ACOXL: variants seen among roughly 807,000 people sequenced by gnomAD.
ACOXL encodes acyl-CoA oxidase like, also known as acyl-coenzyme A oxidase-like protein.
ACOXL carries 70 observed loss-of-function variants against 71.9 expected under a neutral mutation model. That is an observed-to-expected ratio of 0.97 (90% CI 0.80 to 1.19). ACOXL has a LOEUF of 1.19. Ranked by LOEUF, ACOXL falls within the 50% of genes most tolerant of loss-of-function variation. The pLI, the probability that ACOXL is intolerant of heterozygous loss-of-function variation, is 0.00. For synonymous variants in ACOXL, 253 were observed against 281.6 expected, an observed-to-expected ratio of 0.90 and a Z score of 1.02; for missense variants, 703 against 736.3, an observed-to-expected ratio of 0.95 and a Z score of 0.52.
intron 1 of ACOXL, among the ~76,000 whole-genome samples, chr2:110,747,952 A>G (rs1029210903): frequency 3.3e-5 from 5 of 152,056 alleles, no homozygotes; most frequent in Non-Finnish European, 2.9e-5. Flanking sequence ...CTGCAGAGGA[A>G]TATGGTTCTC....
chr2:110,909,803 C>T (rs1464847071), intron 11 of ACOXL, among the ~76,000 whole-genome samples: 2 of 150,616 alleles, frequency 1.3e-5, no homozygotes, highest in African/African-American at 2.5e-5. Context: ...GATGGGTGCA[C>T]CTGTGTTCTT....
At chr2:110,861,294 A>T (rs1251516152) in intron 10 of ACOXL, among the ~76,000 whole-genome samples, 7 of 151,798 alleles carry the variant, frequency 4.6e-5, no homozygotes, top group African/African-American at 9.7e-5. Flanking sequence ...CTACATCATT[A>T]AAAAAAATAC....
chr2:110,767,057 T>TG (rs1681176253), intron 1 of ACOXL, among the ~76,000 whole-genome samples: 2 of 152,172 alleles, frequency 1.3e-5, no homozygotes, highest in Admixed American at 1.3e-4. Context: ...GAGAGGAAGA[T>TG]GGGTGTGTTT....
chr2:110,965,833 G>T (rs1162968468), intron 12 of ACOXL, among the ~76,000 whole-genome samples: 1 of 152,098 alleles, frequency 6.6e-6, no homozygotes, highest in Non-Finnish European at 1.5e-5. Context: ...CAGCAATAAG[G>T]TCTCTGGATT....
intron 7 of ACOXL, 116 bp from the exon 8 acceptor site, chr2:110,801,536 A>G (rs563409447): frequency 5.9e-4 from 521 of 882,924 alleles, no homozygotes; most frequent in Non-Finnish European, 8.3e-4. Flanking sequence ...AGGAAAAAGC[A>G]CCAACAATTC....
At chr2:110,873,892 T>TCCCTCA (rs1035963399) in intron 10 of ACOXL, among the ~76,000 whole-genome samples, 2 of 152,206 alleles carry the variant, frequency 1.3e-5, no homozygotes, top group African/African-American at 4.8e-5. Flanking sequence ...ATGCAGCCCT[T>TCCCTCA]CCCTCACCAG....
chr2:110,887,035 C>G, intron 10 of ACOXL: 1 of 672,976 alleles, frequency 1.5e-6, no homozygotes, highest in South Asian at 2.1e-5. Flanking sequence ...GAGATGCTGG[C>G]CTGGCGTCCA....
chr2:111,002,957 A>G (rs1043547477), intron 14 of ACOXL, among the ~76,000 whole-genome samples: 3 of 152,176 alleles, frequency 2.0e-5, no homozygotes, highest in Admixed American at 2.0e-4. Flanking sequence ...AGCATTTCAG[A>G]TTTCATATTT....
chr2:110,853,631 G>A (rs750120635), intron 10 of ACOXL, among the ~76,000 whole-genome samples: 9 of 152,138 alleles, frequency 5.9e-5, no homozygotes, highest in African/African-American at 2.4e-5. Flanking sequence ...CCTCCAAAAC[G>A]GAAGATCCCC....
chr2:110,740,940 A>AG (rs1677448315), intron 1 of ACOXL, among the ~76,000 whole-genome samples: 1 of 152,224 alleles, frequency 6.6e-6, no homozygotes, highest in Admixed American at 6.5e-5. Flanking sequence ...GGTCCTGTCT[A>AG]GGGGCCACAG....
At chr2:110,858,996 A>G (rs1456377016) in intron 10 of ACOXL, among the ~76,000 whole-genome samples, 3 of 152,220 alleles carry the variant, frequency 2.0e-5, no homozygotes, top group Non-Finnish European at 4.4e-5. Flanking sequence ...TTCGCCACTC[A>G]TCTACATGCG....
At chr2:111,014,487 A>G (rs1289929124) in intron 14 of ACOXL, among the ~76,000 whole-genome samples, 6 of 152,230 alleles carry the variant, frequency 3.9e-5, no homozygotes, top group African/African-American at 1.4e-4. Context: ...AGCCTAAGTA[A>G]CTGGAGTAGT....
chr2:110,920,392 G>A (rs369420720), intron 11 of ACOXL, among the ~76,000 whole-genome samples: 95 of 152,156 alleles, frequency 6.2e-4, no homozygotes, highest in Non-Finnish European at 9.6e-4. Flanking sequence ...CAAAGTGTCC[G>A]TTCTGGTCTT....
At chr2:110,779,663 T>A (rs1274081194) in intron 2 of ACOXL, among the ~76,000 whole-genome samples, 1 of 152,206 alleles carries the variant, frequency 6.6e-6, no homozygotes, top group African/African-American at 2.4e-5. Context: ...TGAAAGAAAC[T>A]CACACATATA....
chr2:111,023,479 C>T (rs1373461257), intron 14 of ACOXL, among the ~76,000 whole-genome samples: 1 of 152,052 alleles, frequency 6.6e-6, no homozygotes, highest in East Asian at 1.9e-4. Context: ...TACAGGGAGA[C>T]ATCTGTAGCC....
intron 9 of ACOXL, among the ~76,000 whole-genome samples, chr2:110,824,580 C>T (rs1316352150): frequency 1.3e-5 from 2 of 151,708 alleles, no homozygotes; most frequent in African/African-American, 4.8e-5. Context: ...TGAATTTTTC[C>T]TTTTTCATTT....
At chr2:111,068,610 AG>A (rs2067187430) in intron 16 of ACOXL, among the ~76,000 whole-genome samples, 2 of 152,152 alleles carry the variant, frequency 1.3e-5, no homozygotes, top group Non-Finnish European at 2.9e-5. Flanking sequence ...AGAGGATAGG[AG>A]GAAGCTTTTC....
chr2:110,953,833 G>A (rs1212890057), intron 12 of ACOXL, among the ~76,000 whole-genome samples: 1 of 152,172 alleles, frequency 6.6e-6, no homozygotes, highest in Admixed American at 6.5e-5. Context: ...GAGAGAGAGA[G>A]AAGTCGGGGG....
At chr2:110,868,553 A>G (rs1694891271) in intron 10 of ACOXL, among the ~76,000 whole-genome samples, 1 of 152,092 alleles carries the variant, frequency 6.6e-6, no homozygotes, top group Admixed American at 6.5e-5. Flanking sequence ...TCTAGTACAC[A>G]CATCTTATTC....
Sources: allele counts gnomAD v4.1 joint callset (sites outside exome capture counted in the v4.1 genomes callset), GRCh38; gene constraint gnomAD v4.1.1; transcripts MANE v1.5; gene names NCBI Gene and HGNC (gene_info 2026-07-23, HGNC 2026-07-21).